CDK5RAP2: variants seen among roughly 807,000 people sequenced by gnomAD.
CDK5RAP2 encodes the protein CDK5 regulatory subunit-associated protein 2.
Under a neutral mutation model 232.9 loss-of-function variants are expected in CDK5RAP2, and 147 were observed. The ratio of observed to expected loss-of-function variants is 0.63; its 90% CI spans 0.55 to 0.72. The LOEUF (loss-of-function observed/expected upper bound fraction) is 0.72. CDK5RAP2 is among the 30% of genes least tolerant of loss of function. The pLI is 0.00. For missense variants in CDK5RAP2, 2,195 were observed against 2,231.5 expected, an observed-to-expected ratio of 0.98 and a Z score of 0.33; for synonymous variants, 833 against 833.7, an observed-to-expected ratio of 1.00 and a Z score of 0.01.
chr9:120,472,375 G>C (rs1308030392), intron 15 of CDK5RAP2, among the ~76,000 whole-genome samples: 1 of 152,144 alleles, frequency 6.6e-6, no homozygotes, highest in Non-Finnish European at 1.5e-5. Flanking sequence ...TCTCTGTTCT[G>C]AACAATGCCC....
chr9:120,477,206 C>G, intron 15 of CDK5RAP2, 144 bp downstream of exon 15: 1 of 729,296 alleles, frequency 1.4e-6, no homozygotes, highest in South Asian at 1.4e-5. Context: ...CAGTCGCCAC[C>G]CAAGCTTTAT....
intron 24 of CDK5RAP2, 53 bp downstream of exon 24, chr9:120,439,346 C>A: frequency 2.8e-6 from 4 of 1,430,308 alleles, no homozygotes; most frequent in Non-Finnish European, 3.9e-6. Context: ...CACCTAGTGG[C>A]AATACTGGGG....
intron 35 of CDK5RAP2, among the ~76,000 whole-genome samples, chr9:120,395,789 A>G (rs773349045): frequency 7.2e-5 from 11 of 152,258 alleles, no homozygotes; most frequent in Non-Finnish European, 1.3e-4. Flanking sequence ...ATGAAAACTA[A>G]CATATGCTTC....
chr9:120,443,072 A>G (rs936266624), intron 23 of CDK5RAP2, among the ~76,000 whole-genome samples: 1 of 152,180 alleles, frequency 6.6e-6, no homozygotes, highest in Non-Finnish European at 1.5e-5. Flanking sequence ...TATGCTTCTA[A>G]TACTTCATAA....
In CDK5RAP2 at chr9:120,551,882, A is replaced by T. The variant is rs73660581; in HGVS notation, c.196-980T>A. ...ACTTAAGAGTGCTGTGTGCAAAATA[A>T]ACTACCATCAGAGTGAACAGGCAAC... is the stretch of plus-strand genomic sequence containing the variant. On this transcript the variant is annotated intron_variant, in intron 3 of 37. Coordinates refer to ENST00000349780, the MANE Select transcript of CDK5RAP2 (RefSeq NM_018249.6). Among the ~76,000 whole-genome samples, 1,042 of 152,302 alleles carry T rather than the reference A, an allele frequency of 6.8e-3. 8 individuals carry two copies. The highest frequency in any genetic ancestry group is 0.024 in the African/African-American group (986 of 41,558).
chr9:120,420,430 C>T (rs1323038829), intron 26 of CDK5RAP2, among the ~76,000 whole-genome samples: 1 of 152,150 alleles, frequency 6.6e-6, no homozygotes. Context: ...TGCCTGGCTC[C>T]AAGGCCCCAG....
chr9:120,557,933 T>C (rs1191721839), intron 3 of CDK5RAP2, among the ~76,000 whole-genome samples: 4 of 149,718 alleles, frequency 2.7e-5, no homozygotes, highest in African/African-American at 9.7e-5. Flanking sequence ...ACCTGGCTAA[T>C]TTTTGTAGTT....
At chr9:120,511,305 T>C (rs1376613763) in intron 12 of CDK5RAP2, among the ~76,000 whole-genome samples, 3 of 152,208 alleles carry the variant, frequency 2.0e-5, no homozygotes, top group African/African-American at 4.8e-5. Context: ...CTGGATCCTG[T>C]ACATAGGATT....
At chr9:120,437,664 T>C (rs1010259449) in intron 24 of CDK5RAP2, 137 bp from the exon 25 acceptor site, 10 of 682,024 alleles carry the variant, frequency 1.5e-5, no homozygotes, top group Non-Finnish European at 2.1e-5. Flanking sequence ...TTTAGAAAAA[T>C]TGAAACTGTA....
chr9:120,562,708 G>A (rs1009003897), intron 3 of CDK5RAP2, among the ~76,000 whole-genome samples: 1 of 151,704 alleles, frequency 6.6e-6, no homozygotes, highest in Non-Finnish European at 1.5e-5. Context: ...ATTATAAGCT[G>A]TCTGCCTCTA....
chr9:120,462,440 T>TA (rs772351673), intron 18 of CDK5RAP2, among the ~76,000 whole-genome samples: 170 of 132,336 alleles, frequency 1.3e-3, no homozygotes, highest in South Asian at 0.01. Flanking sequence ...CTCATCAAAT[T>TA]AAAAAAAAAA....
At chr9:120,437,076 C>T (rs2035626074) in intron 25 of CDK5RAP2, among the ~76,000 whole-genome samples, 1 of 152,172 alleles carries the variant, frequency 6.6e-6, no homozygotes, top group African/African-American at 2.4e-5. Context: ...GCCCCTGAGG[C>T]GTCTAAACTG....
In CDK5RAP2 at chr9:120,437,379, CCA is replaced by C. The variant is rs1188445546; in HGVS notation, c.3869_3870del (p.Val1290GlyfsTer17). The C allele has an allele frequency of 1.2e-6, 2 of 1,614,006 alleles. No homozygotes were observed. Among genetic ancestry groups the C allele is most frequent in the South Asian group, 2.2e-5 (2 of 91,088 alleles). The part of the protein sequence containing the change: ...AFEELLQASD[V>X]DYCVAEGFQE... ...TGGAAACCCTCGGCCACACAGTAAT[CCA>C]CATCACTGGCCTGCAGCAACTCCTC... On this transcript the variant is annotated frameshift_variant, in exon 25 of 38. Coordinates refer to ENST00000349780, the MANE Select transcript of CDK5RAP2 (RefSeq NM_018249.6). LOFTEE classifies it high-confidence loss of function.
rs929390433 is a variant in CDK5RAP2 at position 120,550,986 on chromosome 9, T to C, written c.196-84A>G. 15 of 806,192 alleles carry C rather than the reference T, an allele frequency of 1.9e-5. No individual in the cohort carries two copies. In the African/African-American group the frequency reaches 2.0e-4, roughly 11 times the overall value. 49.9% of individuals were successfully genotyped at this position (806,192 alleles called of 1,614,324 possible). On this transcript the variant is annotated intron_variant, in intron 3 of 37. Transcript: ENST00000349780. The stretch of plus-strand genomic sequence containing the variant: ...TAGTACATACATTAGTCGCTATGGA[T>C]TACGAGGCTACAAAACTGATTCAAA...
chr9:120,427,469 C>G (rs1037389397), intron 25 of CDK5RAP2, among the ~76,000 whole-genome samples: 1 of 152,168 alleles, frequency 6.6e-6, no homozygotes, highest in African/African-American at 2.4e-5. Flanking sequence ...AAATGACCCA[C>G]AAAGCTGGGA....
intron 6 of CDK5RAP2, among the ~76,000 whole-genome samples, chr9:120,537,737 C>T (rs1279857292): frequency 6.6e-6 from 1 of 151,590 alleles, no homozygotes. Context: ...CAGAAGTATT[C>T]ACCTCACAGA....
chr9:120,460,879 G>A (rs1564250865), intron 18 of CDK5RAP2: 11 of 730,688 alleles, frequency 1.5e-5, no homozygotes, highest in East Asian at 2.9e-5. Context: ...CCTGGATCAA[G>A]CATAATTTAA....
At chr9:120,577,917 C>A (rs1213329130) in intron 1 of CDK5RAP2, among the ~76,000 whole-genome samples, 1 of 152,158 alleles carries the variant, frequency 6.6e-6, no homozygotes, top group African/African-American at 2.4e-5. Flanking sequence ...ATGATAACAG[C>A]AATAAGCAGC....
intron 27 of CDK5RAP2, among the ~76,000 whole-genome samples, chr9:120,415,416 T>G (rs1443921998): frequency 6.6e-6 from 1 of 152,230 alleles, no homozygotes; most frequent in Non-Finnish European, 1.5e-5. Flanking sequence ...TCCATACAAT[T>G]TTAATGCTAA....
Sources: allele counts gnomAD v4.1 joint callset (sites outside exome capture counted in the v4.1 genomes callset), GRCh38; gene constraint gnomAD v4.1.1; transcripts MANE v1.5; gene names NCBI Gene and HGNC (gene_info 2026-07-23, HGNC 2026-07-21).